TAS2R1: variants seen among roughly 807,000 people sequenced by gnomAD.
TAS2R1 encodes taste receptor type 2 member 1.
For missense variants in TAS2R1, 370 were observed against 353.4 expected, an observed-to-expected ratio of 1.05 and a Z score of -0.38; for synonymous variants, 141 against 134.2, an observed-to-expected ratio of 1.05 and a Z score of -0.35.
upstream of TAS2R1, among the ~76,000 whole-genome samples, chr5:9,633,294 T>TATTATATATATA (rs1476544403): frequency 1.0e-3 from 71 of 67,804 alleles, 1 homozygote; most frequent in African/African-American, 4.3e-3. Context: ...TGTGTGTATA[T>TATTATATATATA]TATATATATA....
chr5:9,695,871 G>T (rs1741346281), intron 1 of TAS2R1, among the ~76,000 whole-genome samples: 2 of 152,148 alleles, frequency 1.3e-5, no homozygotes, highest in African/African-American at 4.8e-5. Flanking sequence ...CTGGAGAAGT[G>T]AAGAGACGAT....
chr5:9,892,696 C>T, the TAS2R1 span, among the ~76,000 whole-genome samples: 2 of 152,178 alleles, frequency 1.3e-5, no homozygotes, highest in African/African-American at 2.4e-5. Context: ...ATATTTAGAA[C>T]TGTCTGCGGA....
the TAS2R1 span, among the ~76,000 whole-genome samples, chr5:9,838,432 C>T: frequency 0.03 from 4,609 of 152,246 alleles, 110 homozygotes; most frequent in Middle Eastern, 0.085. Flanking sequence ...TGAACATCTG[C>T]CCCTCATGCC....
intron 1 of TAS2R1, among the ~76,000 whole-genome samples, chr5:9,711,267 T>G (rs1442964775): frequency 6.6e-6 from 1 of 152,120 alleles, no homozygotes; most frequent in African/African-American, 2.4e-5. Context: ...ACAACTGAAA[T>G]GTCCATTGAT....
the TAS2R1 span, among the ~76,000 whole-genome samples, chr5:9,837,346 C>T: frequency 2.6e-5 from 4 of 152,166 alleles, no homozygotes; most frequent in Non-Finnish European, 5.9e-5. Flanking sequence ...GGCCACATGG[C>T]AGCCCTTAAC....
At chr5:9,846,518 G>T in the TAS2R1 span, among the ~76,000 whole-genome samples, 1 of 152,128 alleles carries the variant, frequency 6.6e-6, no homozygotes, top group East Asian at 1.9e-4. Context: ...ACAGAACAGA[G>T]ACCATTTGAA....
At chr5:9,823,019 C>CA in the TAS2R1 span, among the ~76,000 whole-genome samples, 38,732 of 114,216 alleles carry the variant, frequency 0.34, 6,576 homozygotes, top group African/African-American at 0.45. Context: ...TCCTCTCCAC[C>CA]AAAAAAAAAA....
At chr5:9,640,497 TAAAAAAAAAAAAA>T (rs56140715) in intron 2 of TAS2R1, among the ~76,000 whole-genome samples, 1 of 59,030 alleles carries the variant, frequency 1.7e-5, no homozygotes, top group Non-Finnish European at 2.9e-5. Flanking sequence ...TTCAATTCCT[TAAAAAAAAAAAAA>T]AAAAAAAAAA....
At chr5:9,786,744 T>C in the TAS2R1 span, among the ~76,000 whole-genome samples, 679 of 152,294 alleles carry the variant, frequency 4.5e-3, 3 homozygotes, top group African/African-American at 0.016. Context: ...TTAGAAGGAC[T>C]GTTTGTGAAA....
At chr5:9,638,254 C>T (rs1740001540) in intron 2 of TAS2R1, among the ~76,000 whole-genome samples, 1 of 152,194 alleles carries the variant, frequency 6.6e-6, no homozygotes, top group Non-Finnish European at 1.5e-5. Flanking sequence ...CAGGGGATGT[C>T]TGCAAAGAGT....
the TAS2R1 span, among the ~76,000 whole-genome samples, chr5:9,858,376 T>C: frequency 1.8e-4 from 28 of 152,270 alleles, no homozygotes; most frequent in African/African-American, 6.7e-4. Flanking sequence ...TTTCTCTCCT[T>C]TCCCCAAGTG....
the TAS2R1 span, among the ~76,000 whole-genome samples, chr5:9,804,847 A>T: frequency 6.6e-6 from 1 of 152,174 alleles, no homozygotes; most frequent in Non-Finnish European, 1.5e-5. Context: ...CGGAAACAAG[A>T]ACAAACAAAA....
chr5:9,660,008 A>AT (rs1423833924), intron 1 of TAS2R1: 1 of 150,392 alleles, frequency 6.6e-6, no homozygotes, highest in Non-Finnish European at 1.5e-5. Context: ...AGTTAAAAAT[A>AT]TTTTTTAAGA....
At chr5:9,783,381 T>C in the TAS2R1 span, among the ~76,000 whole-genome samples, 1 of 152,220 alleles carries the variant, frequency 6.6e-6, no homozygotes, top group Non-Finnish European at 1.5e-5. Flanking sequence ...GCTTAGCTGA[T>C]GCAATTGCAA....
the TAS2R1 span, among the ~76,000 whole-genome samples, chr5:9,728,788 G>C: frequency 6.6e-6 from 1 of 152,148 alleles, no homozygotes; most frequent in Non-Finnish European, 1.5e-5. Flanking sequence ...GGGTTTGCAA[G>C]ACTCAACACA....
the TAS2R1 span, among the ~76,000 whole-genome samples, chr5:9,860,799 GC>G: frequency 7.2e-5 from 11 of 152,178 alleles, no homozygotes; most frequent in Non-Finnish European, 5.9e-5. Flanking sequence ...TCTGTGCTCA[GC>G]CACTGGATGG....
intron 1 of TAS2R1, among the ~76,000 whole-genome samples, chr5:9,661,061 T>C (rs765068442): frequency 1.3e-5 from 2 of 152,236 alleles, no homozygotes; most frequent in East Asian, 1.9e-4. Context: ...TAGGGAAATC[T>C]GTACTGGATT....
the TAS2R1 span, among the ~76,000 whole-genome samples, chr5:9,801,468 C>T: frequency 6.6e-6 from 1 of 152,226 alleles, no homozygotes; most frequent in Admixed American, 6.5e-5. Context: ...TGGAGACTTA[C>T]ATCATAAACT....
At chr5:9,776,371 G>A in the TAS2R1 span, among the ~76,000 whole-genome samples, 1 of 152,186 alleles carries the variant, frequency 6.6e-6, no homozygotes, top group East Asian at 1.9e-4. Flanking sequence ...ACCCTCTTCA[G>A]TGCCTCCTTC....
Sources: allele counts gnomAD v4.1 joint callset (sites outside exome capture counted in the v4.1 genomes callset), GRCh38; gene constraint gnomAD v4.1.1; transcripts MANE v1.5; gene names NCBI Gene and HGNC (gene_info 2026-07-23, HGNC 2026-07-21).